PFKFB3: variants seen among roughly 807,000 people sequenced by gnomAD.
PFKFB3 encodes the protein 6-phosphofructo-2-kinase/fructose-2,6-bisphosphatase 3.
In PFKFB3, 33 loss-of-function variants were observed where a neutral mutation model predicts 68.0. That is an observed-to-expected ratio of 0.49 (90% CI 0.37 to 0.65). The LOEUF (loss-of-function observed/expected upper bound fraction) is 0.65, where lower values mean the gene tolerates loss of function less well. Ranked by LOEUF, PFKFB3 falls within the 30% of genes least tolerant of loss-of-function variation. PFKFB3 has a pLI of 0.00. For missense variants in PFKFB3, 586 were observed against 712.2 expected (o/e 0.82, Z 2.02); for synonymous variants, 315 against 288.2 (o/e 1.09, Z -0.94).
intron 2 of PFKFB3, among the ~76,000 whole-genome samples, chr10:6,214,115 A>T (rs1435662367): frequency 1.3e-5 from 2 of 152,064 alleles, no homozygotes; most frequent in East Asian, 1.9e-4. Context: ...AGGGTCTTCA[A>T]CCCCCAGGCT....
At chr10:6,242,348 C>T (rs1787631231) in intron 14 of PFKFB3, among the ~76,000 whole-genome samples, 1 of 152,126 alleles carries the variant, frequency 6.6e-6, no homozygotes, top group Non-Finnish European at 1.5e-5. Context: ...AACTCCTTGC[C>T]TCCCACTCTC....
chr10:6,213,965 T>C (rs1844399968), intron 2 of PFKFB3, among the ~76,000 whole-genome samples: 1 of 128,620 alleles, frequency 7.8e-6, no homozygotes, highest in African/African-American at 3.8e-5. Context: ...TCTTTCCCAC[T>C]CCTCTAAGTC....
downstream of PFKFB3, among the ~76,000 whole-genome samples, chr10:6,237,857 C>T (rs1471624792): frequency 6.6e-6 from 1 of 152,018 alleles, no homozygotes; most frequent in Non-Finnish European, 1.5e-5. Context: ...TGTGCCACCA[C>T]GCCCAGCTAA....
At chr10:6,236,591 C>T (rs953969103), downstream of PFKFB3, among the ~76,000 whole-genome samples, 8 of 152,232 alleles carry the variant, frequency 5.3e-5, no homozygotes, top group Admixed American at 1.3e-4. Flanking sequence ...CTGGCTGCAG[C>T]GTGACGGGGC....
rs1361402839 is a variant in PFKFB3 at position 6,234,836 on chromosome 10, G to A, written c.*1894G>A. 2.6e-5 allele frequency: 4 copies of A among 152,176 alleles called. No homozygotes were observed. Among genetic ancestry groups the A allele is most frequent in the African/African-American group, 9.7e-5 (4 of 41,352 alleles). 9.4% of individuals were successfully genotyped at this position (152,176 alleles called of 1,614,324 possible). ...ATAGCTGTGGTCCCCTCTCCCCTCT[G>A]ACTACCTAAAATCAATACCTAAATA... On this transcript the variant is annotated 3_prime_UTR_variant, in exon 15 of 15. Transcript: ENST00000379775.
At chr10:6,302,362 G>GTTTTTTTT in the PFKFB3 span, among the ~76,000 whole-genome samples, 11 of 78,516 alleles carry the variant, frequency 1.4e-4, no homozygotes, top group African/African-American at 4.5e-4. Flanking sequence ...TGCCTGGCCA[G>GTTTTTTTT]TTTTTTTTTT....
At chr10:6,219,485 C>T (rs748258447) in intron 6 of PFKFB3, 84 bp from the exon 7 acceptor site, 4 of 1,485,356 alleles carry the variant, frequency 2.7e-6, no homozygotes, top group South Asian at 1.1e-5. Context: ...TGTGCGCTCC[C>T]CTTTTGAAAG....
chr10:6,240,472 C>T (rs1846116226), downstream of PFKFB3, among the ~76,000 whole-genome samples: 1 of 152,008 alleles, frequency 6.6e-6, no homozygotes. Context: ...ACTGTGTTGG[C>T]CAGGCTGATC....
intron 1 of PFKFB3, among the ~76,000 whole-genome samples, chr10:6,172,041 T>C (rs1314511010): frequency 6.6e-6 from 1 of 152,226 alleles, no homozygotes; most frequent in Non-Finnish European, 1.5e-5. Flanking sequence ...GTCTTAGTCA[T>C]GGAGGGAAAC....
At position 6,203,075 on chromosome 10, in the gene PFKFB3, A is replaced by T; in HGVS notation, c.-186A>T. On this transcript the variant is annotated 5_prime_UTR_variant, in exon 1 of 15. Coordinates refer to ENST00000379775, the MANE Select transcript of PFKFB3 (RefSeq NM_004566.4). ...CTCGCTACCCTCGCAGCACACGTCG[A>T]GCCCCGCACAGGCGAGGGTCCGGAA... 1 of 1,410,446 alleles carries T rather than the reference A, an allele frequency of 7.1e-7. No individual in the cohort carries two copies. The allele number at this position is 1,410,446 out of a possible 1,614,324, so 87.4% of individuals were successfully genotyped here. A position where few individuals can be genotyped will look rare whatever the true frequency, so the allele number is the denominator to read the frequency against.
At chr10:6,324,374 C>T in the PFKFB3 span, among the ~76,000 whole-genome samples, 1 of 152,136 alleles carries the variant, frequency 6.6e-6, no homozygotes, top group Non-Finnish European at 1.5e-5. Context: ...AGTTTTACAA[C>T]AGGAAAAGAG....
intron 1 of PFKFB3, among the ~76,000 whole-genome samples, chr10:6,172,013 C>T (rs574510188): frequency 6.6e-6 from 1 of 152,128 alleles, no homozygotes; most frequent in African/African-American, 2.4e-5. Flanking sequence ...CTCTTTTTGC[C>T]GCCGTACTCC....
Position 6,203,098 on chromosome 10 carries a change from G to A in PFKFB3, c.-163G>A, listed in dbSNP as rs1843441334. On this transcript the variant is annotated 5_prime_UTR_variant, in exon 1 of 15. Transcript: ENST00000379775. ...CGAGCCCCGCACAGGCGAGGGTCCG[G>A]AACTTAGCCCAAAGCACGTTTCCCC... The A allele has an allele frequency of 4.1e-6, 6 of 1,456,532 alleles. No homozygotes were observed. Among genetic ancestry groups the A allele is most frequent in the African/African-American group, 1.5e-5 (1 of 67,832 alleles). The allele number at this position is 1,456,532 out of a possible 1,614,324, so 90.2% of individuals were successfully genotyped here. A position where few individuals can be genotyped will look rare whatever the true frequency, so the allele number is the denominator to read the frequency against.
chr10:6,191,628 C>A (rs994219958), intron 1 of PFKFB3, among the ~76,000 whole-genome samples: 1 of 152,198 alleles, frequency 6.6e-6, no homozygotes, highest in Non-Finnish European at 1.5e-5. Flanking sequence ...CAGAAGCCAG[C>A]GAGTTTGAGT....
At chr10:6,204,116 C>A (rs1196757051) in intron 1 of PFKFB3, among the ~76,000 whole-genome samples, 1 of 152,254 alleles carries the variant, frequency 6.6e-6, no homozygotes, top group Non-Finnish European at 1.5e-5. Flanking sequence ...CTGCCCCGCC[C>A]CGCCGGTCGC....
chr10:6,190,864 C>T (rs1210830485), intron 1 of PFKFB3, among the ~76,000 whole-genome samples: 3 of 152,150 alleles, frequency 2.0e-5, no homozygotes, highest in Non-Finnish European at 2.9e-5. Flanking sequence ...GTGCAACCTC[C>T]GCCTCCCCGG....
rs749204281 is a variant in PFKFB3 at position 6,187,091 on chromosome 10, C to T, written c.17-26532C>T. ...AAAGTGAAAAGGCAGCCGGGCGCAG[C>T]GACTCATACCTGTAATCCCAGCATT... On this transcript the variant is annotated intron_variant, in intron 1 of 14. Transcript: ENST00000379789. 1.1e-4 allele frequency among the ~76,000 whole-genome samples: 16 copies of T among 151,714 alleles called. 1 individual carries two copies. The highest frequency in any genetic ancestry group is 5.3e-4 in the Admixed American group (8 of 15,190).
chr10:6,275,708 C>T, the PFKFB3 span, among the ~76,000 whole-genome samples: 9 of 152,172 alleles, frequency 5.9e-5, no homozygotes, highest in South Asian at 2.1e-4. The surrounding 1 kb of genome is among the most constrained non-coding windows in gnomAD (Gnocchi z 4.9). Context: ...CTGCAACCTC[C>T]GCTTCCCGGG....
At chr10:6,301,053 G>A in the PFKFB3 span, among the ~76,000 whole-genome samples, 2 of 152,214 alleles carry the variant, frequency 1.3e-5, no homozygotes, top group South Asian at 4.1e-4. Context: ...CCATCTTGCA[G>A]AAGATTCCTC....
Sources: allele counts gnomAD v4.1 joint callset (sites outside exome capture counted in the v4.1 genomes callset), GRCh38; gene constraint gnomAD v4.1.1; non-coding constraint Gnocchi (gnomAD v3.1); transcripts MANE v1.5; gene names NCBI Gene and HGNC (gene_info 2026-07-23, HGNC 2026-07-21).